ZNF385D: variants seen among roughly 807,000 people sequenced by gnomAD.
ZNF385D encodes the protein zinc finger protein 659.
In ZNF385D, 15 loss-of-function variants were observed where a neutral mutation model predicts 35.8. The observed-to-expected ratio is 0.42, with a 90% CI of 0.28 to 0.64. The LOEUF (loss-of-function observed/expected upper bound fraction) is 0.64, where lower values mean the gene tolerates loss of function less well. ZNF385D is among the 30% of genes least tolerant of loss of function. The pLI is 0.23. For synonymous variants in ZNF385D, 212 were observed against 186.8 expected, an observed-to-expected ratio of 1.13 and a Z score of -1.10; for missense variants, 474 against 494.6, an observed-to-expected ratio of 0.96 and a Z score of 0.39.
At chr3:21,918,505 T>C (rs1473677998) in intron 3 of ZNF385D, among the ~76,000 whole-genome samples, 1 of 152,162 alleles carries the variant, frequency 6.6e-6, no homozygotes, top group Non-Finnish European at 1.5e-5. Context: ...TTCACCTGAA[T>C]GATATATTTT....
chr3:21,784,403 C>T (rs2071606403), intron 3 of ZNF385D, among the ~76,000 whole-genome samples: 1 of 151,466 alleles, frequency 6.6e-6, no homozygotes, highest in Non-Finnish European at 1.5e-5. Context: ...TGATGCACTT[C>T]TCTTTTGTGT....
chr3:21,962,889 A>G (rs1022428498), intron 3 of ZNF385D, among the ~76,000 whole-genome samples: 12 of 152,198 alleles, frequency 7.9e-5, no homozygotes, highest in Admixed American at 5.9e-4. Context: ...TCTTGGAGTC[A>G]CCATTACTCT....
At chr3:22,267,783 C>A (rs1248359463) in intron 2 of ZNF385D, among the ~76,000 whole-genome samples, 3 of 151,796 alleles carry the variant, frequency 2.0e-5, no homozygotes, top group Non-Finnish European at 2.9e-5. Context: ...TTATTAAAAG[C>A]AAATCAAGCT....
In ZNF385D at chr3:22,248,080, G is replaced by A. The variant is rs994404171; in HGVS notation, c.107-79045C>T. On this transcript the variant is annotated intron_variant, in intron 2 of 5. Transcript: ENST00000494108. Reference sequence around the variant, plus strand: ...TCTGGTAGCCCTCAATCAAGCTGATGTCAAGATTCATGAACTACACAACCT... The same window carrying A: ...TCTGGTAGCCCTCAATCAAGCTGATATCAAGATTCATGAACTACACAACCT... Among the ~76,000 whole-genome samples, 4 of 152,188 alleles carry A rather than the reference G, an allele frequency of 2.6e-5. No individual in the cohort carries two copies. In the South Asian group the frequency reaches 6.2e-4, roughly 24 times the overall value.
rs540861976 is a variant in ZNF385D at position 21,630,200 on chromosome 3, T to C, written c.165+34686A>G. ...TTGTTCAAACCTACCACCTTTCTTTTCTTTCTTTTTTTTTTTTTTGAGACG... is the reference window on the plus strand; with the variant it reads ...TTGTTCAAACCTACCACCTTTCTTTCCTTTCTTTTTTTTTTTTTTGAGACG... On this transcript the variant is annotated intron_variant, in intron 2 of 7. Transcript: ENST00000281523. Among the ~76,000 whole-genome samples the C allele has an allele frequency of 3.1e-3, 463 of 147,730 alleles. 2 individuals carry two copies. Among genetic ancestry groups the C allele is most frequent in the African/African-American group, 0.011 (451 of 40,078 alleles).
At chr3:21,518,020 T>C (rs1352542040) in intron 3 of ZNF385D, among the ~76,000 whole-genome samples, 1 of 152,150 alleles carries the variant, frequency 6.6e-6, no homozygotes, top group African/African-American at 2.4e-5. Context: ...ATGGGTACTT[T>C]ACAAGCCCTG....
chr3:21,568,034 C>T (rs1023746460), intron 2 of ZNF385D, among the ~76,000 whole-genome samples: 1 of 151,818 alleles, frequency 6.6e-6, no homozygotes, highest in African/African-American at 2.4e-5. Flanking sequence ...TCTGCAGAGA[C>T]AATTTTATTT....
intron 2 of ZNF385D, among the ~76,000 whole-genome samples, chr3:22,238,348 G>A (rs1576545412): frequency 6.6e-6 from 1 of 151,038 alleles, no homozygotes; most frequent in African/African-American, 2.5e-5. Flanking sequence ...TTTCTCCAAA[G>A]AACATAGTTG....
chr3:22,233,809 G>A (rs1282390445), intron 2 of ZNF385D, among the ~76,000 whole-genome samples: 3 of 151,900 alleles, frequency 2.0e-5, no homozygotes, highest in African/African-American at 7.3e-5. Context: ...CCTCTCCTAA[G>A]TCTTACTCCT....
At chr3:21,781,241 C>G (rs1038909932) in intron 3 of ZNF385D, among the ~76,000 whole-genome samples, 1 of 151,938 alleles carries the variant, frequency 6.6e-6, no homozygotes, top group East Asian at 1.9e-4. Flanking sequence ...AAAGAAGGAG[C>G]TTTAGGAAAG....
intron 2 of ZNF385D, among the ~76,000 whole-genome samples, chr3:22,191,425 T>C (rs943958439): frequency 6.8e-6 from 1 of 147,966 alleles, no homozygotes; most frequent in African/African-American, 2.5e-5. Context: ...AGGCGGAGGA[T>C]GCAGTGAGCC....
intron 1 of ZNF385D, among the ~76,000 whole-genome samples, chr3:21,718,078 G>T (rs1197909346): frequency 6.6e-6 from 1 of 152,222 alleles, no homozygotes; most frequent in Non-Finnish European, 1.5e-5. Flanking sequence ...TGTTGCTGGT[G>T]TTGGGACTGC....
At chr3:22,291,150 C>CT (rs1344613893) in intron 2 of ZNF385D, among the ~76,000 whole-genome samples, 1 of 152,154 alleles carries the variant, frequency 6.6e-6, no homozygotes, top group East Asian at 1.9e-4. Flanking sequence ...ATAATACTCC[C>CT]TCTTCCTCTA....
At chr3:21,902,685 A>C (rs1699470003) in intron 3 of ZNF385D, among the ~76,000 whole-genome samples, 4 of 152,150 alleles carry the variant, frequency 2.6e-5, no homozygotes, top group Admixed American at 2.6e-4. Flanking sequence ...CTTTATCTTC[A>C]AGGAAGCAAG....
chr3:22,045,391 C>CGG (rs1698931035), intron 3 of ZNF385D, among the ~76,000 whole-genome samples: 1 of 151,862 alleles, frequency 6.6e-6, no homozygotes, highest in East Asian at 1.9e-4. Context: ...TTGAGAAATA[C>CGG]GAATGGGAGA....
chr3:22,029,730 T>G (rs1028667796), intron 3 of ZNF385D, among the ~76,000 whole-genome samples: 1 of 152,192 alleles, frequency 6.6e-6, no homozygotes, highest in African/African-American at 2.4e-5. Flanking sequence ...TAATAGTATT[T>G]GGGTTGGGGA....
intron 3 of ZNF385D, among the ~76,000 whole-genome samples, chr3:21,851,062 G>C (rs1028204100): frequency 6.6e-6 from 1 of 151,516 alleles, no homozygotes; most frequent in Non-Finnish European, 1.5e-5. Context: ...AAAGGACAAG[G>C]ATTTTAAAAC....
chr3:21,507,900 T>C lies in ZNF385D; in HGVS notation c.439+2961A>G, dbSNP rs141026061. ...AAGGGTCTACGAAATGGGTGTCTTT[T>C]CTCATAGAGAGTTTTGTGTAAATTC... On this transcript the variant is annotated intron_variant, in intron 4 of 7. Transcript: ENST00000281523. 3.6e-3 allele frequency among the ~76,000 whole-genome samples: 543 copies of C among 152,336 alleles called. 4 individuals are homozygous for C. The highest frequency in any genetic ancestry group is 0.02 in the Middle Eastern group (6 of 294).
chr3:22,162,309 T>A (rs4543033), intron 3 of ZNF385D, among the ~76,000 whole-genome samples: 1 of 152,030 alleles, frequency 6.6e-6, no homozygotes, highest in Non-Finnish European at 1.5e-5. Context: ...GGAACAGCTT[T>A]GAAAAGCTGT....
Sources: allele counts gnomAD v4.1 joint callset (sites outside exome capture counted in the v4.1 genomes callset), GRCh38; gene constraint gnomAD v4.1.1; transcripts MANE v1.5; gene names NCBI Gene and HGNC (gene_info 2026-07-23, HGNC 2026-07-21).